Variants in DIP2C observed in about 807,000 individuals in gnomAD.
DIP2C encodes disco-interacting protein 2 homolog C.
DIP2C carries 33 observed loss-of-function variants against 192.4 expected under a neutral mutation model. The observed-to-expected ratio is 0.17, with a 90% CI of 0.13 to 0.23. The LOEUF (loss-of-function observed/expected upper bound fraction) is 0.23. DIP2C is among the 10% of genes least tolerant of loss of function. The pLI is 1.00. For synonymous variants in DIP2C, 979 were observed against 864.1 expected, an observed-to-expected ratio of 1.13 and a Z score of -2.33; for missense variants, 1,537 against 2,110.1, an observed-to-expected ratio of 0.73 and a Z score of 5.32.
In DIP2C at chr10:606,315, G is replaced by A. The variant is rs950541046; in HGVS notation, c.85+83179C>T. Among the ~76,000 whole-genome samples the A allele has an allele frequency of 3.3e-5, 5 of 152,214 alleles. No individual in the cohort carries two copies. The East Asian group carries it at 5.8e-4, about 18-fold the overall frequency. ...ACACCAGTCACAGCCACACAGCTCAGGGCACGGCCACTCGCCCCGCTGCCG... is the reference window on the plus strand; with the variant it reads ...ACACCAGTCACAGCCACACAGCTCAAGGCACGGCCACTCGCCCCGCTGCCG... On this transcript the variant is annotated intron_variant, in intron 1 of 36. Transcript: ENST00000280886.
intron 32 of DIP2C, among the ~76,000 whole-genome samples, chr10:304,654 G>A (rs1564529187): frequency 6.6e-6 from 1 of 151,582 alleles, no homozygotes; most frequent in Non-Finnish European, 1.5e-5. Context: ...CAGTGTGCAT[G>A]TGCACATGCA....
chr10:424,618 C>T (rs749279306), intron 4 of DIP2C, among the ~76,000 whole-genome samples: 1 of 152,112 alleles, frequency 6.6e-6, no homozygotes, highest in Admixed American at 6.5e-5. Context: ...CCTGCCTCAG[C>T]CTCCCAAAGT....
chr10:583,095 C>T (rs1327075789), intron 1 of DIP2C, among the ~76,000 whole-genome samples: 1 of 152,224 alleles, frequency 6.6e-6, no homozygotes, highest in Admixed American at 6.5e-5. Flanking sequence ...GAATCAGTGA[C>T]TACTTTTATC....
chr10:583,256 G>T (rs927456918), intron 1 of DIP2C, among the ~76,000 whole-genome samples: 2 of 152,220 alleles, frequency 1.3e-5, no homozygotes, highest in African/African-American at 4.8e-5. Context: ...AAGCAAACAC[G>T]GCATATCACT....
Position 520,651 on chromosome 10 carries a change from C to G in DIP2C, c.86-34121G>C, listed in dbSNP as rs552858548. Among the ~76,000 whole-genome samples, 11 of 152,326 alleles carry G rather than the reference C, an allele frequency of 7.2e-5. No homozygotes were observed. The South Asian group carries it at 2.3e-3, about 32-fold the overall frequency. On this transcript the variant is annotated intron_variant, in intron 1 of 36. Coordinates refer to ENST00000280886, the MANE Select transcript of DIP2C (RefSeq NM_014974.3). ...CTGCCTGCAGCTCCTTCCGCACTCC[C>G]CCGCTGCTCCCAGAGCCTGCACTGG...
At chr10:283,696 A>C (rs1954955523) in intron 34 of DIP2C, among the ~76,000 whole-genome samples, 1 of 152,216 alleles carries the variant, frequency 6.6e-6, no homozygotes, top group South Asian at 2.1e-4. Context: ...AACTGAATTA[A>C]AGCAGATTAG....
chr10:593,889 G>A (rs1851548413), intron 1 of DIP2C, among the ~76,000 whole-genome samples: 1 of 152,200 alleles, frequency 6.6e-6, no homozygotes, highest in Non-Finnish European at 1.5e-5. Flanking sequence ...TCTTCTGAAA[G>A]CAGCAGCTGG....
intron 1 of DIP2C, among the ~76,000 whole-genome samples, chr10:566,550 C>T (rs1485211663): frequency 1.3e-5 from 2 of 152,256 alleles, no homozygotes; most frequent in South Asian, 4.1e-4. Flanking sequence ...AACACAGATG[C>T]TGCTGCTGAG....
chr10:350,008 T>C (rs1408561436), intron 24 of DIP2C, among the ~76,000 whole-genome samples: 1 of 152,214 alleles, frequency 6.6e-6, no homozygotes, highest in African/African-American at 2.4e-5. Flanking sequence ...GAAAACATAT[T>C]TGTGCAGGAA....
intron 32 of DIP2C, among the ~76,000 whole-genome samples, chr10:308,000 G>A (rs1380579415): frequency 2.0e-5 from 3 of 146,534 alleles, no homozygotes; most frequent in African/African-American, 5.1e-5. Flanking sequence ...GTGCCTGGGC[G>A]GGGCCCAGCA....
chr10:514,352 C>G (rs571143283), intron 1 of DIP2C, among the ~76,000 whole-genome samples: 1 of 152,302 alleles, frequency 6.6e-6, no homozygotes, highest in East Asian at 1.9e-4. Context: ...ACAAATGCCC[C>G]CAGTTCGACG....
At chr10:472,287 C>T (rs1396838804) in intron 3 of DIP2C, 152 bp downstream of exon 3, 1 of 591,844 alleles carries the variant, frequency 1.7e-6, no homozygotes, top group Non-Finnish European at 2.9e-6. Flanking sequence ...TGGCGTCTCC[C>T]GAGAGGGTGT....
At chr10:665,081 T>C (rs1281022106) in intron 1 of DIP2C, 1 of 152,130 alleles carries the variant, frequency 6.6e-6, no homozygotes, top group Non-Finnish European at 1.5e-5. Context: ...GACCTTGAAA[T>C]TTAAAAAAAC....
In DIP2C at chr10:418,248, T is replaced by C. The variant is rs1479790077; in HGVS notation, c.739+817A>G. Among the ~76,000 whole-genome samples, 11 of 132,876 alleles carry C rather than the reference T, an allele frequency of 8.3e-5. 1 individual carries two copies. The highest frequency in any genetic ancestry group is 3.2e-4 in the African/African-American group (11 of 33,952). 87.2% of individuals were successfully genotyped at this position (132,876 alleles called of 152,430 possible). A position where few individuals can be genotyped will look rare whatever the true frequency, so the allele number is the denominator to read the frequency against. On this transcript the variant is annotated intron_variant, in intron 6 of 36. Coordinates refer to ENST00000280886, the MANE Select transcript of DIP2C (RefSeq NM_014974.3). Reference sequence around the variant, plus strand: ...CTGTCAGGGCTTCGATAGGCCTCCCTGTTCACTGCACCTGTCAGGCCTCAG... The same window carrying C: ...CTGTCAGGGCTTCGATAGGCCTCCCCGTTCACTGCACCTGTCAGGCCTCAG...
intron 1 of DIP2C, among the ~76,000 whole-genome samples, chr10:609,129 T>C (rs1383364876): frequency 6.6e-6 from 1 of 152,100 alleles, no homozygotes; most frequent in African/African-American, 2.4e-5. Context: ...AAATTTAATA[T>C]GAAATTGCTA....
chr10:565,364 A>AAAAAAAAAAAAAAAAAAAAAAAC (rs1444449178), intron 1 of DIP2C, among the ~76,000 whole-genome samples: 1 of 151,712 alleles, frequency 6.6e-6, no homozygotes, highest in African/African-American at 2.4e-5. Flanking sequence ...TAAAAAAAAA[A>AAAAAAAAAAAAAAAAAAAAAAAC]AAAAAAAGAC....
chr10:439,009 G>A (rs940784468), intron 4 of DIP2C, among the ~76,000 whole-genome samples: 2 of 152,034 alleles, frequency 1.3e-5, no homozygotes, highest in South Asian at 2.1e-4. Flanking sequence ...TTTTGGTGGA[G>A]ACAAAATGTA....
At chr10:333,735 G>A (rs1001111968) in intron 29 of DIP2C, among the ~76,000 whole-genome samples, 1 of 152,232 alleles carries the variant, frequency 6.6e-6, no homozygotes, top group Non-Finnish European at 1.5e-5. Context: ...ATCAATGTAT[G>A]AGAATTCGTT....
chr10:371,272 C>T (rs1960921148), intron 17 of DIP2C, among the ~76,000 whole-genome samples: 1 of 152,152 alleles, frequency 6.6e-6, no homozygotes, highest in Admixed American at 6.5e-5. Context: ...TCAGCATCTG[C>T]TGTGGGTTGA....
Sources: allele counts gnomAD v4.1 joint callset (sites outside exome capture counted in the v4.1 genomes callset), GRCh38; gene constraint gnomAD v4.1.1; transcripts MANE v1.5; gene names NCBI Gene and HGNC (gene_info 2026-07-23, HGNC 2026-07-21).